Variants in COL23A1 observed in about 807,000 individuals in gnomAD.
COL23A1 encodes collagen type XXIII alpha 1 chain, also known as collagen alpha-1(XXIII) chain.
Under a neutral mutation model 99.3 loss-of-function variants are expected in COL23A1, and 97 were observed. The ratio of observed to expected loss-of-function variants is 0.98; its 90% CI spans 0.83 to 1.16. The LOEUF is 1.16. Among genes scored for constraint, COL23A1 ranks in the 50% most tolerant of loss-of-function variants. COL23A1 has a pLI of 0.00. For synonymous variants in COL23A1, 320 were observed against 308.2 expected (o/e 1.04, Z -0.40); for missense variants, 762 against 757.4 (o/e 1.01, Z -0.07).
chr5:178,356,791 C>A (rs1479626073), intron 2 of COL23A1, among the ~76,000 whole-genome samples: 1 of 152,122 alleles, frequency 6.6e-6, no homozygotes, highest in African/African-American at 2.4e-5. Flanking sequence ...CGCCTGGCAC[C>A]GAGATTGGCT....
Position 178,354,375 on chromosome 5 carries a change from A to AT in COL23A1, c.362-47457dup, listed in dbSNP as rs543448134. On this transcript the variant is annotated intron_variant, in intron 2 of 28. Coordinates refer to ENST00000390654, the MANE Select transcript of COL23A1 (RefSeq NM_173465.4). ...AGGCACATGCCACCATGCCCTGCTA[A>AT]TTTTTTTTACTTTCTGTAGAGACAG... Among the ~76,000 whole-genome samples, 95 of 151,958 alleles carry AT rather than the reference A, an allele frequency of 6.3e-4. 1 individual carries two copies. The South Asian group carries it at 0.013, about 20-fold the overall frequency.
At position 178,333,346 on chromosome 5, in the gene COL23A1, T is replaced by C. The variant is rs1581170177; in HGVS notation, c.362-26427A>G. 2.6e-5 allele frequency among the ~76,000 whole-genome samples: 4 copies of C among 152,212 alleles called. No individual in the cohort carries two copies. The South Asian group carries it at 6.2e-4, about 24-fold the overall frequency. On this transcript the variant is annotated intron_variant, in intron 2 of 28. Coordinates refer to ENST00000390654, the MANE Select transcript of COL23A1 (RefSeq NM_173465.4). ...TGGGTTTGGCCTGTGGCTGCCTTTG[T>C]GGCCATGGCCTGCAGGGTTAAGTTC...
intron 1 of COL23A1, among the ~76,000 whole-genome samples, chr5:178,578,121 GCACA>G (rs33991455): frequency 0.018 from 2,583 of 146,244 alleles, 61 homozygotes; most frequent in African/African-American, 0.062. Flanking sequence ...ACACATTCAT[GCACA>G]CACACACATG....
At chr5:178,294,722 T>C (rs1368176313) in intron 3 of COL23A1, among the ~76,000 whole-genome samples, 2 of 152,248 alleles carry the variant, frequency 1.3e-5, no homozygotes, top group Non-Finnish European at 2.9e-5. Flanking sequence ...CATTCCTTTC[T>C]AGCCTGGGAG....
intron 2 of COL23A1, among the ~76,000 whole-genome samples, chr5:178,445,444 A>T (rs1767104340): frequency 6.6e-6 from 1 of 152,066 alleles, no homozygotes; most frequent in Non-Finnish European, 1.5e-5. Context: ...TTTCTTGGCC[A>T]TTTGTACATG....
chr5:178,249,716 A>ACACACACTCTCTCT lies in COL23A1; in HGVS notation c.1059+344_1059+345insAGAGAGAGTGTGTG. 1.2e-3 allele frequency among the ~76,000 whole-genome samples: 116 copies of ACACACACTCTCTCT among 92,802 alleles called. 1 individual carries two copies. Among genetic ancestry groups the ACACACACTCTCTCT allele is most frequent in the African/African-American group, 4.5e-3 (106 of 23,480 alleles). The allele number at this position is 92,802 out of a possible 152,430, so 60.9% of individuals were successfully genotyped here. A position where few individuals can be genotyped will look rare whatever the true frequency, so the allele number is the denominator to read the frequency against. On this transcript the variant is annotated intron_variant, in intron 18 of 28. Coordinates refer to ENST00000390654, the MANE Select transcript of COL23A1 (RefSeq NM_173465.4). ...CACACACACACACACACACACACAC[A>ACACACACTCTCTCT]CTCTCTCTCTCTCTCTCTCTCTCTC...
intron 2 of COL23A1, among the ~76,000 whole-genome samples, chr5:178,502,347 G>C (rs1015551314): frequency 1.3e-5 from 2 of 152,180 alleles, no homozygotes; most frequent in East Asian, 3.9e-4. Context: ...TAGCCAGGAT[G>C]GTCTCGATCT....
rs752216566 is a variant in COL23A1 at position 178,249,113 on chromosome 5, A to T, written c.1149+4T>A. 6 of 1,614,000 alleles carry T rather than the reference A, an allele frequency of 3.7e-6. No homozygotes were observed. The Admixed American group carries it at 8.3e-5, about 22-fold the overall frequency. On this transcript the variant is annotated splice_donor_region_variant and intron_variant, in intron 19 of 28. Coordinates refer to ENST00000390654, the MANE Select transcript of COL23A1 (RefSeq NM_173465.4). The stretch of plus-strand genomic sequence containing the variant: ...GTAATGTGTGGCCCAACCCAGCCAC[A>T]TACCGGGAGGCCGGACAAGCCCATC...
intron 2 of COL23A1, among the ~76,000 whole-genome samples, chr5:178,419,806 C>T (rs180735226): frequency 1.1e-4 from 17 of 152,328 alleles, no homozygotes; most frequent in Middle Eastern, 3.4e-3. Context: ...CCAATCCCAG[C>T]GGCCATCCTT....
At chr5:178,488,313 G>C (rs1258137242) in intron 2 of COL23A1, among the ~76,000 whole-genome samples, 1 of 152,146 alleles carries the variant, frequency 6.6e-6, no homozygotes, top group Non-Finnish European at 1.5e-5. Flanking sequence ...CCTGTCACCT[G>C]CCTGATGGGG....
chr5:178,450,357 C>T (rs1767417108), intron 2 of COL23A1, among the ~76,000 whole-genome samples: 1 of 152,222 alleles, frequency 6.6e-6, no homozygotes, highest in African/African-American at 2.4e-5. Flanking sequence ...GAGCAGCTTC[C>T]TTCTCGGGCT....
chr5:178,312,211 C>G (rs1407798095), intron 2 of COL23A1, among the ~76,000 whole-genome samples: 2 of 152,198 alleles, frequency 1.3e-5, no homozygotes, highest in Non-Finnish European at 2.9e-5. Context: ...TCCCTAATCA[C>G]TGCCTGTCTG....
chr5:178,516,625 C>T (rs1218570851), intron 2 of COL23A1, among the ~76,000 whole-genome samples: 3 of 152,244 alleles, frequency 2.0e-5, no homozygotes, highest in Non-Finnish European at 2.9e-5. Context: ...TCTCTTTCCA[C>T]GTACTGTTTG....
chr5:178,575,179 C>T (rs1323591895), intron 1 of COL23A1, among the ~76,000 whole-genome samples: 2 of 140,084 alleles, frequency 1.4e-5, no homozygotes, highest in African/African-American at 5.3e-5. Context: ...AGAAAAGTGT[C>T]CTCCTTTAGG....
chr5:178,345,049 T>C, intron 2 of COL23A1: 1 of 584,314 alleles, frequency 1.7e-6, no homozygotes, highest in South Asian at 1.5e-5. Flanking sequence ...TCCAGAGTCA[T>C]TTGGAATCTT....
At chr5:178,323,847 A>G (rs763670162) in intron 2 of COL23A1, among the ~76,000 whole-genome samples, 6 of 152,162 alleles carry the variant, frequency 3.9e-5, no homozygotes, top group Non-Finnish European at 8.8e-5. Context: ...AGGAGGTAGC[A>G]TCAACCCTCC....
At position 178,434,126 on chromosome 5, in the gene COL23A1, C is replaced by T. The variant is rs1338184230; in HGVS notation, c.361+126556G>A. 1.3e-5 allele frequency among the ~76,000 whole-genome samples: 2 copies of T among 152,238 alleles called. No individual in the cohort carries two copies. The highest frequency in any genetic ancestry group is 2.4e-5 in the African/African-American group (1 of 41,462). On this transcript the variant is annotated intron_variant, in intron 2 of 28. Transcript: ENST00000390654. This position sits in a 1 kb window ranked among gnomAD's most constrained non-coding sequence, Gnocchi z 4.3. ...TGTTATGGCAGCGCACACACTCACACACCCTCCCAATGCCTCAGGAAACAG... is the reference window on the plus strand; with the variant it reads ...TGTTATGGCAGCGCACACACTCACATACCCTCCCAATGCCTCAGGAAACAG...
chr5:178,290,196 T>C (rs1028712294), intron 4 of COL23A1, among the ~76,000 whole-genome samples, 166 bp downstream of exon 4: 14 of 152,210 alleles, frequency 9.2e-5, no homozygotes, highest in Non-Finnish European at 1.5e-4. Context: ...CCTCCCAAAG[T>C]GCTGGGATTC....
At chr5:178,583,211 G>A (rs1763750295) in intron 1 of COL23A1, among the ~76,000 whole-genome samples, 1 of 152,192 alleles carries the variant, frequency 6.6e-6, no homozygotes, top group Non-Finnish European at 1.5e-5. Context: ...ATTTATCAAT[G>A]TACATAAACC....
Sources: allele counts gnomAD v4.1 joint callset (sites outside exome capture counted in the v4.1 genomes callset), GRCh38; gene constraint gnomAD v4.1.1; non-coding constraint Gnocchi (gnomAD v3.1); transcripts MANE v1.5; gene names NCBI Gene and HGNC (gene_info 2026-07-23, HGNC 2026-07-21).